HFM1: variants seen among roughly 807,000 people sequenced by gnomAD.
The protein encoded by HFM1 is helicase for meiosis 1.
A neutral mutation model predicts 192.1 loss-of-function variants in HFM1; 169 were observed. The ratio of observed to expected loss-of-function variants is 0.88; its 90% CI spans 0.78 to 1.00. HFM1 has a LOEUF of 1.00. Ranked by LOEUF, HFM1 falls within the 50% of genes least tolerant of loss-of-function variation. The pLI, the probability that HFM1 is intolerant of heterozygous loss-of-function variation, is 0.00. For missense variants in HFM1, 1,661 were observed against 1,668.0 expected (o/e 1.00, Z 0.07); for synonymous variants, 525 against 537.8 (o/e 0.98, Z 0.33).
intron 30 of HFM1, among the ~76,000 whole-genome samples, chr1:91,284,748 A>C (rs1667781701): frequency 6.6e-6 from 1 of 152,226 alleles, no homozygotes; most frequent in Non-Finnish European, 1.5e-5. Flanking sequence ...CAACTTAAAA[A>C]TATGTCTCAC....
rs773926336 is a variant in HFM1, at chr1:91,378,442, G to A, written c.1197C>T (p.Asn399=). 1.0e-5 allele frequency: 16 copies of A among 1,605,592 alleles called. 1 individual carries two copies. The highest frequency in any genetic ancestry group is 2.2e-5 in the East Asian group (1 of 44,546). ...ACAGTCGAACCAGCTGAACCAAAGA[G>A]TTGTCTCTCCATTTCCTAGTCATGC... is the stretch of plus-strand genomic sequence containing the variant. ...WDSMTRKWRD[N]SLVQLVRLFL... is the part of the protein sequence containing the mutation. Residue 399 remains asparagine, a synonymous_variant, in exon 10 of 39, where the codon AAC becomes AAT. Coordinates refer to ENST00000370425, the MANE Select transcript of HFM1 (RefSeq NM_001017975.6).
Position 91,322,958 on chromosome 1 carries a change from T to C in HFM1, c.2574A>G (p.Lys858=). The C allele has an allele frequency of 7.4e-7, 1 of 1,354,218 alleles. No homozygotes were observed. The highest frequency in any genetic ancestry group is 2.6e-5 in the Admixed American group (1 of 38,100). 83.9% of individuals were successfully genotyped at this position (1,354,218 alleles called of 1,614,324 possible). A position where few individuals can be genotyped will look rare whatever the true frequency, so the allele number is the denominator to read the frequency against. The change falls in exon 23 of 39, where the codon AAA becomes AAG. Residue 858 remains lysine, a synonymous_variant. Transcript: ENST00000370425. ...GTATGAATCATCTTTACCAATTTAC[T>C]TTCATTTCTCTTGTTTTAATTCTTC... ...MEGRIKTREM[K]VNCLIQAQLG...
intron 4 of HFM1, among the ~76,000 whole-genome samples, chr1:91,390,304 C>T (rs771894584): frequency 7.9e-4 from 120 of 151,874 alleles, no homozygotes; most frequent in Non-Finnish European, 1.4e-3. Context: ...GGTGTGGTGG[C>T]GCACGCCTGT....
At chr1:91,309,123 T>C (rs1382561825) in intron 30 of HFM1, among the ~76,000 whole-genome samples, 4 of 152,206 alleles carry the variant, frequency 2.6e-5, no homozygotes, top group Admixed American at 2.6e-4. Context: ...TCTAAATGCG[T>C]TCTTCCTGTC....
Position 91,264,149 on chromosome 1 carries a change from T to A in HFM1, c.3975-1557A>T, listed in dbSNP as rs78715109. Among the ~76,000 whole-genome samples, 222 of 152,172 alleles carry A rather than the reference T, an allele frequency of 1.5e-3. 3 individuals are homozygous for A. The East Asian group carries it at 0.023, about 16-fold the overall frequency. On this transcript the variant is annotated intron_variant, in intron 36 of 38. Transcript: ENST00000370425. ...CATGGAACAAGGGTGAATGAGCTCCTGGTCACTGGAACTGTCTTGGTAGAG... is the reference window on the plus strand; with the variant it reads ...CATGGAACAAGGGTGAATGAGCTCCAGGTCACTGGAACTGTCTTGGTAGAG...
In HFM1 at chr1:91,404,796, A is replaced by ACCTCC. The variant is rs770459386; in HGVS notation, c.-31_-28+1dup. On this transcript the variant is annotated splice_donor_variant, in intron 1 of 38. Transcript: ENST00000370425. LOFTEE classifies it low-confidence loss of function (5UTR_SPLICE). The stretch of plus-strand genomic sequence containing the variant: ...CGCGGGCGTCCGGGCCCCTCTCCTC[A>ACCTCC]CCTCCCTGCGGACAGCTCCTAGGCC... The ACCTCC allele has an allele frequency of 2.9e-5, 13 of 448,380 alleles. No homozygotes were observed. Among genetic ancestry groups the ACCTCC allele is most frequent in the East Asian group, 2.2e-4 (3 of 13,492 alleles). 27.8% of individuals were successfully genotyped at this position (448,380 alleles called of 1,614,324 possible). A position where few individuals can be genotyped will look rare whatever the true frequency, so the allele number is the denominator to read the frequency against.
At chr1:91,316,926 G>A (rs1055812772) in intron 25 of HFM1, among the ~76,000 whole-genome samples, 2 of 152,136 alleles carry the variant, frequency 1.3e-5, no homozygotes, top group African/African-American at 2.4e-5. Context: ...AACTAAACCA[G>A]ACTATTTTAA....
At chr1:91,407,257 A>G (rs923416802), upstream of HFM1, among the ~76,000 whole-genome samples, 1 of 152,164 alleles carries the variant, frequency 6.6e-6, no homozygotes, top group Non-Finnish European at 1.5e-5. Context: ...ACTTAATGTA[A>G]ATGACGAGTT....
At chr1:91,404,725 G>T in intron 1 of HFM1, 73 bp downstream of exon 1, 1 of 425,910 alleles carries the variant, frequency 2.3e-6, no homozygotes, top group Non-Finnish European at 4.7e-6. Flanking sequence ...GGCTCGGCTG[G>T]GTCCCCACTT....
At chr1:91,289,136 T>C (rs398872) in intron 30 of HFM1, among the ~76,000 whole-genome samples, 151,337 of 151,540 alleles carry the variant, frequency 1, 75,567 homozygotes, top group Non-Finnish European at 1. Context: ...GGGCTCCTCA[T>C]TTCTCAGATG....
chr1:91,377,259 G>C (rs1341074299), intron 11 of HFM1, among the ~76,000 whole-genome samples: 1 of 151,756 alleles, frequency 6.6e-6, no homozygotes, highest in African/African-American at 2.4e-5. Context: ...AACAAAACAA[G>C]TTGTCATTTC....
At chr1:91,364,637 T>A (rs1287986391) in intron 13 of HFM1, among the ~76,000 whole-genome samples, 1 of 131,200 alleles carries the variant, frequency 7.6e-6, no homozygotes, top group African/African-American at 2.9e-5. Context: ...TATATATTTT[T>A]TTTTTTTTTT....
At chr1:91,369,340 T>C (rs1203343499) in intron 13 of HFM1, among the ~76,000 whole-genome samples, 1 of 152,124 alleles carries the variant, frequency 6.6e-6, no homozygotes, top group African/African-American at 2.4e-5. Context: ...ATTGACCACA[T>C]AGTTGGAAGT....
intron 13 of HFM1, among the ~76,000 whole-genome samples, chr1:91,363,110 G>A (rs978827719): frequency 5.9e-5 from 9 of 152,094 alleles, no homozygotes; most frequent in Non-Finnish European, 1.3e-4. Context: ...TCAAGTCATA[G>A]GCACGGGCAA....
intron 36 of HFM1, 30 bp from the exon 37 acceptor site, chr1:91,262,622 T>G: frequency 7.6e-7 from 1 of 1,320,308 alleles, no homozygotes; most frequent in Non-Finnish European, 1.1e-6. Flanking sequence ...ATTTGTAAAA[T>G]ACGGCAAACA....
chr1:91,277,280 G>A (rs1473131695), intron 30 of HFM1, among the ~76,000 whole-genome samples: 3 of 151,138 alleles, frequency 2.0e-5, no homozygotes, highest in Non-Finnish European at 4.4e-5. Context: ...CTATTCACAG[G>A]CATGATAATT....
At chr1:91,332,010 A>G (rs281975) in intron 20 of HFM1, among the ~76,000 whole-genome samples, 151,646 of 151,852 alleles carry the variant, frequency 1, 75,720 homozygotes, top group East Asian at 1. Context: ...AATCAATATT[A>G]TTAAAATTTC....
At chr1:91,341,715 A>T (rs1655360369) in intron 20 of HFM1, among the ~76,000 whole-genome samples, 1 of 152,044 alleles carries the variant, frequency 6.6e-6, no homozygotes, top group African/African-American at 2.4e-5. Flanking sequence ...AAAAAACAGA[A>T]ACCAGACAAA....
intron 30 of HFM1, among the ~76,000 whole-genome samples, chr1:91,298,412 A>T (rs960163786): frequency 2.6e-5 from 4 of 152,180 alleles, no homozygotes; most frequent in African/African-American, 9.6e-5. Context: ...GGCAGGCCAC[A>T]TTCAAATTCA....
Sources: allele counts gnomAD v4.1 joint callset (sites outside exome capture counted in the v4.1 genomes callset), GRCh38; gene constraint gnomAD v4.1.1; transcripts MANE v1.5; gene names NCBI Gene and HGNC (gene_info 2026-07-23, HGNC 2026-07-21).